ZNF277: variants seen among roughly 807,000 people sequenced by gnomAD.
The protein encoded by ZNF277 is zinc finger protein 277.
ZNF277 carries 55 observed loss-of-function variants against 60.7 expected under a neutral mutation model. The observed-to-expected ratio is 0.91, with a 90% confidence interval of 0.73 to 1.13. ZNF277 has a LOEUF of 1.13. Ranked by LOEUF, ZNF277 falls within the 50% of genes most tolerant of loss-of-function variation. The probability of loss-of-function intolerance (pLI) is 0.00; values close to 1 mark genes in which losing one functional copy is unlikely to be tolerated. For synonymous variants in ZNF277, 178 were observed against 179.3 expected, an observed-to-expected ratio of 0.99 and a Z score of 0.06; for missense variants, 510 against 523.0, an observed-to-expected ratio of 0.98 and a Z score of 0.24.
At position 112,243,948 on chromosome 7, in the gene ZNF277, C is replaced by G. The variant is rs553535820; in HGVS notation, c.91+37141C>G. 3.9e-5 allele frequency among the ~76,000 whole-genome samples: 6 copies of G among 152,156 alleles called. No individual in the cohort carries two copies. The South Asian group carries it at 1.2e-3, about 32-fold the overall frequency. ...GATAAAGAAAATATAGTGTTATATA[C>G]CATGGAACACTACTCAGCCATAAAA... is the stretch of plus-strand genomic sequence containing the variant. On this transcript the variant is annotated intron_variant, in intron 1 of 11. Coordinates refer to ENST00000361822, the MANE Select transcript of ZNF277 (RefSeq NM_021994.3).
At chr7:112,321,513 G>A (rs1034020897) in intron 5 of ZNF277, among the ~76,000 whole-genome samples, 4 of 151,982 alleles carry the variant, frequency 2.6e-5, no homozygotes, top group Non-Finnish European at 5.9e-5. Flanking sequence ...ATAAAAATGC[G>A]ATTATACTGT....
intron 1 of ZNF277, among the ~76,000 whole-genome samples, chr7:112,281,435 G>A (rs1307812645): frequency 6.6e-6 from 1 of 152,128 alleles, no homozygotes; most frequent in African/African-American, 2.4e-5. Flanking sequence ...CTTGCTTACT[G>A]GGGAGTATAC....
chr7:112,244,619 A>G (rs1791038247), intron 1 of ZNF277, among the ~76,000 whole-genome samples: 2 of 152,194 alleles, frequency 1.3e-5, no homozygotes, highest in Admixed American at 1.3e-4. Flanking sequence ...AAAAAAAGTT[A>G]GATGTATTTT....
At chr7:112,290,368 C>A (rs547883513) in intron 2 of ZNF277, among the ~76,000 whole-genome samples, 113 of 152,182 alleles carry the variant, frequency 7.4e-4, no homozygotes, top group African/African-American at 2.6e-3. Context: ...TGTTATTAAT[C>A]TCATTATCCT....
At chr7:112,212,913 C>G (rs1322743418) in intron 1 of ZNF277, among the ~76,000 whole-genome samples, 2 of 152,186 alleles carry the variant, frequency 1.3e-5, no homozygotes. Flanking sequence ...TCAAGAAACT[C>G]AAGTAACATT....
At chr7:112,320,769 A>G (rs1217658401) in intron 5 of ZNF277, among the ~76,000 whole-genome samples, 1 of 151,976 alleles carries the variant, frequency 6.6e-6, no homozygotes, top group African/African-American at 2.4e-5. Flanking sequence ...GTTTAATGTC[A>G]TTACTAATAA....
chr7:112,339,184 CAATAGA>C (rs1793393041), intron 9 of ZNF277, among the ~76,000 whole-genome samples: 1 of 152,188 alleles, frequency 6.6e-6, no homozygotes, highest in African/African-American at 2.4e-5. Flanking sequence ...ATGCACAGTA[CAATAGA>C]AACATATCTT....
intron 4 of ZNF277, among the ~76,000 whole-genome samples, chr7:112,298,937 C>G (rs568223000): frequency 1.3e-5 from 2 of 152,264 alleles, no homozygotes; most frequent in Non-Finnish European, 2.9e-5. Flanking sequence ...TCTGGTACTA[C>G]TATTCTAGGC....
At chr7:112,300,697 G>T (rs1025958521) in intron 4 of ZNF277, among the ~76,000 whole-genome samples, 4 of 152,190 alleles carry the variant, frequency 2.6e-5, no homozygotes, top group Admixed American at 6.5e-5. Flanking sequence ...TTTCCATTTG[G>T]ATTTCCAGTC....
At position 112,209,717 on chromosome 7, in the gene ZNF277, G is replaced by T. The variant is rs536466185; in HGVS notation, c.91+2910G>T. ...AAAATCTTTTCAAAGCCAACAAGGT[G>T]TGATATAAATTTTAGGTGTAAATAT... is the stretch of plus-strand genomic sequence containing the variant. On this transcript the variant is annotated intron_variant, in intron 1 of 11. Coordinates refer to ENST00000361822, the MANE Select transcript of ZNF277 (RefSeq NM_021994.3). Among the ~76,000 whole-genome samples, 3 of 152,246 alleles carry T rather than the reference G, an allele frequency of 2.0e-5. No individual in the cohort carries two copies. The South Asian group carries it at 6.2e-4, about 32-fold the overall frequency.
chr7:112,320,683 T>C (rs1792958462), intron 5 of ZNF277, among the ~76,000 whole-genome samples: 1 of 152,072 alleles, frequency 6.6e-6, no homozygotes, highest in South Asian at 2.1e-4. Context: ...AAGTATATCT[T>C]ATAGACAGTA....
intron 1 of ZNF277, among the ~76,000 whole-genome samples, chr7:112,248,400 G>A (rs1319738488): frequency 2.0e-5 from 3 of 151,320 alleles, no homozygotes; most frequent in Non-Finnish European, 4.4e-5. Flanking sequence ...GCTCAATTAA[G>A]GGTCAGAAGA....
At chr7:112,267,455 G>A (rs10259741) in intron 1 of ZNF277, among the ~76,000 whole-genome samples, 30,625 of 151,930 alleles carry the variant, frequency 0.2, 3,503 homozygotes, top group African/African-American at 0.32. Flanking sequence ...AAATTATCAC[G>A]TTCTATTTGA....
chr7:112,222,225 C>G (rs1474319672), intron 1 of ZNF277, among the ~76,000 whole-genome samples: 1 of 152,182 alleles, frequency 6.6e-6, no homozygotes, highest in African/African-American at 2.4e-5. Context: ...GTGGTTCCTC[C>G]TCTTCAGTGT....
chr7:112,231,048 A>G (rs963602312), intron 1 of ZNF277, among the ~76,000 whole-genome samples: 3 of 152,094 alleles, frequency 2.0e-5, no homozygotes, highest in African/African-American at 7.2e-5. Flanking sequence ...CCCCGTCTCT[A>G]TTAAAAACAC....
intron 1 of ZNF277, among the ~76,000 whole-genome samples, chr7:112,217,014 C>T (rs920442486): frequency 6.6e-6 from 1 of 152,104 alleles, no homozygotes; most frequent in African/African-American, 2.4e-5. Context: ...ACTGAGGTTT[C>T]GTTCATTCAA....
At chr7:112,338,342 G>A (rs1793373073) in intron 9 of ZNF277, among the ~76,000 whole-genome samples, 1 of 152,060 alleles carries the variant, frequency 6.6e-6, no homozygotes, top group African/African-American at 2.4e-5. Context: ...GTGAAGCTTG[G>A]AGCTAGCAGT....
chr7:112,280,271 A>G (rs1412098181), intron 1 of ZNF277, among the ~76,000 whole-genome samples: 1 of 152,144 alleles, frequency 6.6e-6, no homozygotes. Flanking sequence ...ATTTATGTGC[A>G]CATTGAAGAA....
At chr7:112,331,429 A>G (rs973994222) in intron 7 of ZNF277, among the ~76,000 whole-genome samples, 9 of 152,178 alleles carry the variant, frequency 5.9e-5, no homozygotes, top group Non-Finnish European at 8.8e-5. Context: ...TTCTCTCTCA[A>G]TGTAAATGAA....
Sources: allele counts gnomAD v4.1 joint callset (sites outside exome capture counted in the v4.1 genomes callset), GRCh38; gene constraint gnomAD v4.1.1; transcripts MANE v1.5; gene names NCBI Gene and HGNC (gene_info 2026-07-23, HGNC 2026-07-21).